IGSF21: variants seen among roughly 807,000 people sequenced by gnomAD.
The protein encoded by IGSF21 is immunoglobin superfamily member 21, also known as immunoglobulin superfamily member 21.
Under a neutral mutation model 46.8 loss-of-function variants are expected in IGSF21, and 28 were observed. The ratio of observed to expected loss-of-function variants is 0.60; its 90% CI spans 0.44 to 0.82. The LOEUF (loss-of-function observed/expected upper bound fraction) is 0.82, where lower values mean the gene tolerates loss of function less well. Among genes scored for constraint, IGSF21 ranks in the 40% least tolerant of loss-of-function variants. IGSF21 has a pLI of 0.00. For missense variants in IGSF21, 624 were observed against 665.5 expected (o/e 0.94, Z 0.69); for synonymous variants, 284 against 273.6 (o/e 1.04, Z -0.38).
At chr1:18,157,708 A>G (rs2086580865) in intron 1 of IGSF21, among the ~76,000 whole-genome samples, 2 of 151,930 alleles carry the variant, frequency 1.3e-5, no homozygotes, top group African/African-American at 2.4e-5. Context: ...CAGATGAGGA[A>G]ATTGCAATTA....
At chr1:18,324,608 C>T (rs1219868247) in intron 3 of IGSF21, among the ~76,000 whole-genome samples, 2 of 152,210 alleles carry the variant, frequency 1.3e-5, no homozygotes, top group East Asian at 3.9e-4. Flanking sequence ...CCAGGACTAG[C>T]TGGTCACCCT....
At chr1:18,208,376 A>AATATATATGT (rs2084353560) in intron 1 of IGSF21, among the ~76,000 whole-genome samples, 2 of 22,034 alleles carry the variant, frequency 9.1e-5, no homozygotes, top group South Asian at 1.9e-3. Flanking sequence ...GTTTAGGAAT[A>AATATATATGT]ATATATATAT....
intron 1 of IGSF21, among the ~76,000 whole-genome samples, chr1:18,202,251 T>C (rs1466668848): frequency 1.3e-5 from 2 of 152,204 alleles, no homozygotes; most frequent in Non-Finnish European, 2.9e-5. Flanking sequence ...CGATGAGCAA[T>C]GCAATCTCAC....
At chr1:18,254,858 T>TCATC (rs57304649) in intron 2 of IGSF21, among the ~76,000 whole-genome samples, 5,467 of 150,450 alleles carry the variant, frequency 0.036, 309 homozygotes, top group African/African-American at 0.12. Context: ...ATCCATCCAT[T>TCATC]CATCCATCCA....
At chr1:18,206,405 T>A (rs2084327710) in intron 1 of IGSF21, among the ~76,000 whole-genome samples, 1 of 151,830 alleles carries the variant, frequency 6.6e-6, no homozygotes, top group South Asian at 2.1e-4. Flanking sequence ...AAAAATTAAT[T>A]GGGTGTGGTG....
chr1:18,181,641 T>A (rs867311380), intron 1 of IGSF21, among the ~76,000 whole-genome samples: 4 of 152,102 alleles, frequency 2.6e-5, no homozygotes, highest in Non-Finnish European at 5.9e-5. Flanking sequence ...GAATGTCAGC[T>A]CTGTCTTTTT....
rs2085240048 is a variant in IGSF21 at position 18,288,822 on chromosome 1, G to A, written c.184-3044G>A. On this transcript the variant is annotated intron_variant, in intron 2 of 9. Transcript: ENST00000251296. ...TGCCCTCCAGATCCCTCACCCTGCAGCTGAGATAAGCACTTGTCTCCAGCT... is the reference window on the plus strand; with the variant it reads ...TGCCCTCCAGATCCCTCACCCTGCAACTGAGATAAGCACTTGTCTCCAGCT... Among the ~76,000 whole-genome samples, 6 of 152,194 alleles carry A rather than the reference G, an allele frequency of 3.9e-5. No homozygotes were observed. The South Asian group carries it at 1.2e-3, about 31-fold the overall frequency.
intron 4 of IGSF21, among the ~76,000 whole-genome samples, chr1:18,339,166 C>T (rs1026566658): frequency 5.3e-5 from 8 of 152,214 alleles, no homozygotes; most frequent in African/African-American, 1.7e-4. Flanking sequence ...GCCTGGTCAT[C>T]CCCATTTTAC....
intron 3 of IGSF21, among the ~76,000 whole-genome samples, chr1:18,328,823 C>T (rs1356774125): frequency 6.6e-6 from 1 of 152,162 alleles, no homozygotes. Context: ...CTATGAAAAT[C>T]TAGGATTCTT....
At chr1:18,277,601 A>T (rs1361922520) in intron 2 of IGSF21, among the ~76,000 whole-genome samples, 2 of 152,388 alleles carry the variant, frequency 1.3e-5, no homozygotes, top group East Asian at 3.9e-4. Flanking sequence ...CTTGAAGCAT[A>T]GCAGAGCCCA....
chr1:18,244,814 A>G (rs578088702), intron 2 of IGSF21, among the ~76,000 whole-genome samples: 1 of 152,316 alleles, frequency 6.6e-6, no homozygotes, highest in South Asian at 2.1e-4. Context: ...TGCAAATAAT[A>G]ATAATAATAA....
intron 3 of IGSF21, among the ~76,000 whole-genome samples, chr1:18,293,332 A>G (rs1479543933): frequency 2.0e-5 from 3 of 152,200 alleles, no homozygotes; most frequent in Non-Finnish European, 4.4e-5. Context: ...GCGGGACAAG[A>G]AGATTGTAAA....
intron 4 of IGSF21, among the ~76,000 whole-genome samples, chr1:18,359,387 G>GAAGAAAGAAAGAAAGA (rs2086066019): frequency 5.9e-5 from 2 of 33,858 alleles, no homozygotes; most frequent in African/African-American, 2.2e-4. Context: ...AGAAAGAAAG[G>GAAGAAAGAAAGAAAGA]AAGGAAGGAA....
At position 18,365,257 on chromosome 1, in the gene IGSF21, C is replaced by G. The variant is rs201681282; in HGVS notation, c.575C>G (p.Ala192Gly). 2 of 1,611,552 alleles carry G rather than the reference C, an allele frequency of 1.2e-6. No individual in the cohort carries two copies. The highest frequency in any genetic ancestry group is 2.2e-5 in the South Asian group (2 of 90,906). ...YFKRDGEPID[A>G]VPLSEPPAAS... ...AAACGAGATGGGGAACCAATCGACG[C>G]AGTGCCCCTATCAGAGCCACCAGCT... is the stretch of plus-strand genomic sequence containing the variant. The change falls in exon 6 of 10, where the codon GCA becomes GGA. Residue 192 changes from alanine (A) to glycine (G), a missense_variant. Transcript: ENST00000251296. This position sits in a 1 kb window ranked among gnomAD's most constrained non-coding sequence, Gnocchi z 4.8.
intron 3 of IGSF21, among the ~76,000 whole-genome samples, chr1:18,300,710 C>A (rs1482011856): frequency 6.6e-6 from 1 of 152,226 alleles, no homozygotes; most frequent in Non-Finnish European, 1.5e-5. Flanking sequence ...GATGCTCTTT[C>A]TGTAGCTCCC....
intron 2 of IGSF21, among the ~76,000 whole-genome samples, chr1:18,289,521 G>T (rs1430094251): frequency 6.6e-6 from 1 of 152,242 alleles, no homozygotes; most frequent in Non-Finnish European, 1.5e-5. Context: ...CCAAGCCTCA[G>T]TTTCTTTACC....
intron 3 of IGSF21, among the ~76,000 whole-genome samples, chr1:18,324,045 T>G (rs987666193): frequency 4.0e-5 from 6 of 151,842 alleles, no homozygotes; most frequent in Non-Finnish European, 7.4e-5. Context: ...CCCATCCCAC[T>G]CCCAGGCTGT....
chr1:18,211,700 G>T (rs2084392809), intron 1 of IGSF21, among the ~76,000 whole-genome samples: 1 of 152,056 alleles, frequency 6.6e-6, no homozygotes, highest in Non-Finnish European at 1.5e-5. Context: ...CACTTATTAA[G>T]ACCAGTTTTA....
intron 1 of IGSF21, among the ~76,000 whole-genome samples, chr1:18,150,272 G>A (rs141453537): frequency 1.3e-5 from 2 of 152,304 alleles, no homozygotes; most frequent in East Asian, 3.9e-4. Flanking sequence ...ACCAGGTTGA[G>A]CTGGGGTGGA....
Sources: gnomAD v4.1 joint callset for allele counts (sites outside exome capture counted in the v4.1 genomes callset) on GRCh38, gnomAD v4.1.1 for gene constraint, Gnocchi (gnomAD v3.1) non-coding constraint, MANE v1.5 for transcripts, NCBI Gene and HGNC (gene_info 2026-07-23, HGNC 2026-07-21) for gene names.